ERN1: variants seen among roughly 807,000 people sequenced by gnomAD.
ERN1 encodes the protein serine/threonine-protein kinase/endoribonuclease IRE1.
ERN1 carries 39 observed loss-of-function variants against 113.1 expected under a neutral mutation model. The observed-to-expected ratio is 0.34, with a 90% CI of 0.27 to 0.45. The LOEUF is 0.45. Ranked by LOEUF, ERN1 falls within the 20% of genes least tolerant of loss-of-function variation. ERN1 has a pLI of 1.00. For synonymous variants in ERN1, 507 were observed against 515.9 expected (o/e 0.98, Z 0.23); for missense variants, 976 against 1,274.8 (o/e 0.77, Z 3.57).
Position 64,057,908 on chromosome 17 carries a change from G to A in ERN1, c.1292C>T (p.Ala431Val). 6.2e-7 allele frequency: 1 copy of A among 1,612,776 alleles called. No homozygotes were observed. The highest frequency in any genetic ancestry group is 8.5e-7 in the Non-Finnish European group (1 of 1,179,366). Residue 431 changes from alanine (A) to valine (V), a missense_variant, in exon 12 of 22, where the codon GCC (alanine) becomes GTC (valine). This residue lies in a region of ERN1 where 459 missense variants were observed against 581.2 expected (regional missense o/e 0.79). Transcript: ENST00000433197. ...GGAGTCCACGGGGGCCTCGGGCCGG[G>A]CAGGGGCATGGGCGGGCTTCTCCTC... ...DVEEKPAHAP[A>V]RPEAPVDSML...
chr17:64,121,867 G>A (rs921085572), intron 1 of ERN1, among the ~76,000 whole-genome samples: 2 of 152,210 alleles, frequency 1.3e-5, no homozygotes, highest in East Asian at 1.9e-4. Flanking sequence ...CCTTGATGGA[G>A]ACTCTCAGGT....
chr17:64,051,147 T>C (rs375105264), intron 17 of ERN1, among the ~76,000 whole-genome samples: 21 of 108,498 alleles, frequency 1.9e-4, no homozygotes, highest in African/African-American at 4.7e-4. Context: ...CTTGAGCCCA[T>C]AGCGATTAAG....
rs1913118694 is a variant in ERN1, at chr17:64,063,560, T to A, written c.1087+426A>T. ...TTAATCCCTCCCGGGTCCTCAGCCC[T>A]CGCCTCTCCAACCCCTCACCCTCAT... is the stretch of plus-strand genomic sequence containing the variant. On this transcript the variant is annotated intron_variant, in intron 10 of 21. Coordinates refer to ENST00000433197, the MANE Select transcript of ERN1 (RefSeq NM_001433.5). The surrounding 1 kb of genome is among the most constrained non-coding windows in gnomAD (Gnocchi z 5.1). Among the ~76,000 whole-genome samples, 1 of 152,226 alleles carries A rather than the reference T, an allele frequency of 6.6e-6. No individual in the cohort carries two copies. The highest frequency in any genetic ancestry group is 2.1e-4 in the South Asian group (1 of 4,824).
chr17:64,095,419 ACT>A (rs1443958294), intron 2 of ERN1, among the ~76,000 whole-genome samples: 3 of 152,094 alleles, frequency 2.0e-5, no homozygotes, highest in Admixed American at 6.5e-5. Flanking sequence ...ACAGAGGGAA[ACT>A]CTGTCTCAAA....
At position 64,119,221 on chromosome 17, in the gene ERN1, A is replaced by G. The variant is rs1400086580; in HGVS notation, c.54+10755T>C. Among the ~76,000 whole-genome samples the G allele has an allele frequency of 2.6e-5, 4 of 152,180 alleles. No individual in the cohort carries two copies. In the South Asian group the frequency reaches 8.3e-4, roughly 32 times the overall value. ...AAACATCTTACAATTCAGTAACTAA[A>G]TATGTTTTAATATAAGGCCTATTAG... On this transcript the variant is annotated intron_variant, in intron 1 of 21. Transcript: ENST00000433197.
intron 1 of ERN1, among the ~76,000 whole-genome samples, chr17:64,118,652 A>C (rs141731411): frequency 1.1e-3 from 168 of 152,332 alleles, no homozygotes; most frequent in African/African-American, 3.8e-3. Context: ...GCTTGAAAGC[A>C]AGTGTCCTCC....
At chr17:64,114,475 A>G (rs181764595) in intron 1 of ERN1, among the ~76,000 whole-genome samples, 1 of 152,370 alleles carries the variant, frequency 6.6e-6, no homozygotes, top group Admixed American at 6.5e-5. Flanking sequence ...CAGAGGGAAT[A>G]GCCTATGCAA....
chr17:64,080,428 C>T (rs1425762253), intron 3 of ERN1: 6 of 228,034 alleles, frequency 2.6e-5, no homozygotes, highest in Middle Eastern at 1.6e-3. Flanking sequence ...TACCCCAACA[C>T]ACACTCTGTA....
chr17:64,073,296 G>A (rs534474371), intron 5 of ERN1, among the ~76,000 whole-genome samples: 1 of 149,106 alleles, frequency 6.7e-6, no homozygotes, highest in East Asian at 2.0e-4. Flanking sequence ...AGCCTCCTGA[G>A]TAGCTGGGAC....
At chr17:64,092,105 A>G (rs1914107550) in intron 2 of ERN1, among the ~76,000 whole-genome samples, 1 of 152,154 alleles carries the variant, frequency 6.6e-6, no homozygotes, top group African/African-American at 2.4e-5. Flanking sequence ...TGCGGGGGGC[A>G]TGGATGGTGG....
intron 4 of ERN1, among the ~76,000 whole-genome samples, chr17:64,077,073 T>C (rs1913614468): frequency 6.6e-6 from 1 of 152,156 alleles, no homozygotes; most frequent in African/African-American, 2.4e-5. Flanking sequence ...GCTTAAGAAA[T>C]GGGGACTACA....
intron 1 of ERN1, among the ~76,000 whole-genome samples, chr17:64,126,979 T>C (rs1915098133): frequency 6.6e-6 from 1 of 152,188 alleles, no homozygotes; most frequent in Admixed American, 6.5e-5. Flanking sequence ...TTGAGAGATG[T>C]GGCACCTAAA....
At chr17:64,107,113 T>C (rs1196464019) in intron 1 of ERN1, among the ~76,000 whole-genome samples, 43 of 151,946 alleles carry the variant, frequency 2.8e-4, no homozygotes, top group Admixed American at 2.8e-3. Context: ...CAAAAAGACA[T>C]CAAAAATTCA....
chr17:64,124,704 TC>T (rs1337850559), intron 1 of ERN1, among the ~76,000 whole-genome samples: 4 of 152,208 alleles, frequency 2.6e-5, no homozygotes, highest in Admixed American at 6.5e-5. Flanking sequence ...CTCGGGTATG[TC>T]TTTATCAGCA....
At chr17:64,060,645 A>C (rs1913025776) in intron 10 of ERN1, 58 bp from the exon 11 acceptor site, 3 of 1,289,268 alleles carry the variant, frequency 2.3e-6, no homozygotes, top group Non-Finnish European at 3.4e-6. Context: ...GGTGGCACTC[A>C]ATGCTAAACT....
Position 64,130,134 on chromosome 17 carries a change from G to T in ERN1, c.-105C>A. 9.4e-7 allele frequency: 1 copy of T among 1,068,074 alleles called. No individual in the cohort carries two copies. Among genetic ancestry groups the T allele is most frequent in the Non-Finnish European group, 1.2e-6 (1 of 827,774 alleles). 66.2% of individuals were successfully genotyped at this position (1,068,074 alleles called of 1,614,324 possible). ...ACCGAGCCTCAGCGGACGCAGAACTGACTAGGCAGCGGCGGCACCCCCATT... is the reference window on the plus strand; with the variant it reads ...ACCGAGCCTCAGCGGACGCAGAACTTACTAGGCAGCGGCGGCACCCCCATT... On this transcript the variant is annotated 5_prime_UTR_variant, in exon 1 of 22. Coordinates refer to ENST00000433197, the MANE Select transcript of ERN1 (RefSeq NM_001433.5). This position sits in a 1 kb window ranked among gnomAD's most constrained non-coding sequence, Gnocchi z 4.0.
chr17:64,041,532 C>G lies in ERN1; in HGVS notation c.*2456G>C, dbSNP rs549297017. The G allele has an allele frequency of 1.7e-3, 266 of 152,232 alleles. No individual in the cohort carries two copies. Among genetic ancestry groups the G allele is most frequent in the African/African-American group, 6.3e-3 (262 of 41,504 alleles). The allele number at this position is 152,232 out of a possible 1,614,324, so 9.4% of individuals were successfully genotyped here. A position where few individuals can be genotyped will look rare whatever the true frequency, so the allele number is the denominator to read the frequency against. On this transcript the variant is annotated 3_prime_UTR_variant, in exon 22 of 22. Transcript: ENST00000433197. ...GATGATGCCCAAGGTGTTTTCATGACAAGTACCCACACGAGATCTCTTCAA... is the reference window on the plus strand; with the variant it reads ...GATGATGCCCAAGGTGTTTTCATGAGAAGTACCCACACGAGATCTCTTCAA...
At chr17:64,069,508 A>G (rs987714306) in intron 6 of ERN1, among the ~76,000 whole-genome samples, 2 of 152,244 alleles carry the variant, frequency 1.3e-5, no homozygotes, top group Non-Finnish European at 2.9e-5. Context: ...TGAGAGCACT[A>G]TATTAGGGAA....
At position 64,049,780 on chromosome 17, in the gene ERN1, T is replaced by C. The variant is rs1912626743; in HGVS notation, c.2254-578A>G. On this transcript the variant is annotated intron_variant, in intron 17 of 21. Coordinates refer to ENST00000433197, the MANE Select transcript of ERN1 (RefSeq NM_001433.5). The surrounding 1 kb of genome is among the most constrained non-coding windows in gnomAD (Gnocchi z 4.7). ...TTAATCCGAGAAAGCCTCTCACTTATCCCATGAAACCATTCTGTGTCTACA... is the reference window on the plus strand; with the variant it reads ...TTAATCCGAGAAAGCCTCTCACTTACCCCATGAAACCATTCTGTGTCTACA... Among the ~76,000 whole-genome samples the C allele has an allele frequency of 6.6e-6, 1 of 152,214 alleles. No individual in the cohort carries two copies. Among genetic ancestry groups the C allele is most frequent in the Admixed American group, 6.5e-5 (1 of 15,290 alleles).
Sources: gnomAD v4.1 joint callset for allele counts (sites outside exome capture counted in the v4.1 genomes callset) on GRCh38, gnomAD v4.1.1 for gene constraint, gnomAD v4.1.1 regional missense constraint, Gnocchi (gnomAD v3.1) non-coding constraint, MANE v1.5 for transcripts, NCBI Gene and HGNC (gene_info 2026-07-23, HGNC 2026-07-21) for gene names.